The following OR9Q1 variants were observed in gnomAD, a reference collection of about 807,000 sequenced individuals.
OR9Q1 encodes olfactory receptor family 9 subfamily Q member 1.
For synonymous variants in OR9Q1, 153 were observed against 148.6 expected, an observed-to-expected ratio of 1.03 and a Z score of -0.22; for missense variants, 374 against 378.8, an observed-to-expected ratio of 0.99 and a Z score of 0.11.
chr11:58,163,179 T>G (rs1340934542), intron 2 of OR9Q1, among the ~76,000 whole-genome samples: 1 of 152,204 alleles, frequency 6.6e-6, no homozygotes, highest in Non-Finnish European at 1.5e-5. Flanking sequence ...CAAATGCCAC[T>G]TCCTTGGAAA....
At chr11:58,072,292 C>A (rs1484890366) in intron 2 of OR9Q1, 3 of 152,170 alleles carry the variant, frequency 2.0e-5, no homozygotes, top group African/African-American at 7.2e-5. Flanking sequence ...GTATTTGTAT[C>A]CATGTATTTT....
chr11:58,130,064 C>A (rs961860413), intron 2 of OR9Q1, among the ~76,000 whole-genome samples: 9 of 152,234 alleles, frequency 5.9e-5, no homozygotes, highest in Admixed American at 1.3e-4. Context: ...AGGTATTTGT[C>A]CTAATGCTCT....
intron 2 of OR9Q1, among the ~76,000 whole-genome samples, chr11:58,087,445 T>C (rs948724455): frequency 2.0e-5 from 3 of 152,092 alleles, no homozygotes; most frequent in Admixed American, 1.3e-4. Context: ...CAGATGATTG[T>C]AGTAAACTAT....
At chr11:58,159,295 T>C (rs1305901832) in intron 2 of OR9Q1, among the ~76,000 whole-genome samples, 2 of 152,156 alleles carry the variant, frequency 1.3e-5, no homozygotes, top group Non-Finnish European at 2.9e-5. Context: ...GAAATGGAGA[T>C]GTTAGGGGTC....
intron 2 of OR9Q1, among the ~76,000 whole-genome samples, chr11:58,120,739 A>C (rs1854021448): frequency 6.7e-6 from 1 of 149,200 alleles, no homozygotes; most frequent in African/African-American, 2.5e-5. Context: ...AATCCATTTA[A>C]CCCGCATGAA....
intron 2 of OR9Q1, among the ~76,000 whole-genome samples, chr11:58,161,646 C>A (rs1078298): frequency 0.41 from 62,572 of 151,510 alleles, 13,129 homozygotes; most frequent in Admixed American, 0.46. Flanking sequence ...TGGGCTTAAG[C>A]GATTCTCCTG....
chr11:58,179,342 C>T, intron 2 of OR9Q1, 89 bp from the exon 3 acceptor site: 1 of 834,064 alleles, frequency 1.2e-6, no homozygotes, highest in East Asian at 2.5e-5. Context: ...ATATTTTGTC[C>T]ACAGTACATT....
At chr11:58,071,779 G>T (rs1166909087) in intron 2 of OR9Q1, among the ~76,000 whole-genome samples, 2 of 152,086 alleles carry the variant, frequency 1.3e-5, no homozygotes, top group Admixed American at 6.6e-5. Flanking sequence ...TTCACTAGTG[G>T]CAATGTAAAT....
chr11:58,132,457 C>T (rs542681757), intron 2 of OR9Q1, among the ~76,000 whole-genome samples: 17 of 152,006 alleles, frequency 1.1e-4, no homozygotes, highest in Non-Finnish European at 2.2e-4. Flanking sequence ...TAGTATCTAC[C>T]CTATAGGATT....
intron 2 of OR9Q1, among the ~76,000 whole-genome samples, chr11:58,147,443 C>G (rs1854309422): frequency 6.6e-6 from 1 of 152,148 alleles, no homozygotes; most frequent in African/African-American, 2.4e-5. Context: ...TGCTTCTGTG[C>G]TTAAAGGCAG....
At chr11:58,035,015 A>G (rs1289148724) in intron 1 of OR9Q1, among the ~76,000 whole-genome samples, 1 of 151,650 alleles carries the variant, frequency 6.6e-6, no homozygotes, top group South Asian at 2.1e-4. Context: ...TCTTGTAGAG[A>G]TGGGTTTCGC....
chr11:58,025,260 G>A (rs1852960057), intron 1 of OR9Q1, among the ~76,000 whole-genome samples: 1 of 152,106 alleles, frequency 6.6e-6, no homozygotes, highest in African/African-American at 2.4e-5. Context: ...TGCAACCTCC[G>A]CCTCCCGGGT....
At chr11:58,085,709 G>A (rs1853627778) in intron 2 of OR9Q1, among the ~76,000 whole-genome samples, 1 of 151,708 alleles carries the variant, frequency 6.6e-6, no homozygotes, top group African/African-American at 2.4e-5. Context: ...TGGATTTTAT[G>A]TTTGATAAAT....
At chr11:58,133,916 A>G (rs568336680) in intron 2 of OR9Q1, among the ~76,000 whole-genome samples, 2 of 152,306 alleles carry the variant, frequency 1.3e-5, no homozygotes, top group African/African-American at 4.8e-5. Context: ...AGAAGGGGTC[A>G]CTGCTAGCTC....
At chr11:58,138,987 C>T (rs1309119457) in intron 2 of OR9Q1, among the ~76,000 whole-genome samples, 1 of 151,316 alleles carries the variant, frequency 6.6e-6, no homozygotes, top group East Asian at 1.9e-4. Context: ...ATTGAATTTA[C>T]AATAGAGTAA....
chr11:58,101,994 C>A (rs982298878), intron 2 of OR9Q1, among the ~76,000 whole-genome samples: 5 of 152,170 alleles, frequency 3.3e-5, no homozygotes, highest in African/African-American at 9.7e-5. Context: ...GATCCACCCC[C>A]CTTGGCTTCC....
Position 58,179,431 on chromosome 11 carries a change from G to A in OR9Q1, c.-14G>A, listed in dbSNP as rs1478417844. Reference sequence around the variant, plus strand: ...TTGCTTCCCATTCTACATGTCTCAGGGACCACTGGTGTCATGGCAGAGATG... The same window carrying A: ...TTGCTTCCCATTCTACATGTCTCAGAGACCACTGGTGTCATGGCAGAGATG... On this transcript the variant is annotated splice_region_variant and 5_prime_UTR_variant, in exon 3 of 3. Coordinates refer to ENST00000335397, the MANE Select transcript of OR9Q1 (RefSeq NM_001005212.4). 1 of 1,528,000 alleles carries A rather than the reference G, an allele frequency of 6.5e-7. No homozygotes were observed. Among genetic ancestry groups the A allele is most frequent in the Non-Finnish European group, 8.8e-7 (1 of 1,133,290 alleles). The allele number at this position is 1,528,000 out of a possible 1,614,324, so 94.7% of individuals were successfully genotyped here. A position where few individuals can be genotyped will look rare whatever the true frequency, so the allele number is the denominator to read the frequency against.
At chr11:58,024,131 T>A (rs1399007918) in intron 1 of OR9Q1, 27 bp downstream of exon 1, 1 of 152,248 alleles carries the variant, frequency 6.6e-6, no homozygotes, top group Non-Finnish European at 1.5e-5. Context: ...CTCCACTGAT[T>A]TCAGAGACGG....
intron 2 of OR9Q1, among the ~76,000 whole-genome samples, chr11:58,165,516 G>T (rs1393253402): frequency 1.3e-5 from 2 of 152,110 alleles, no homozygotes; most frequent in East Asian, 3.9e-4. Context: ...GTTTGCTCCT[G>T]CAGTACCCTC....
Sources: gnomAD v4.1 joint callset for allele counts (sites outside exome capture counted in the v4.1 genomes callset) on GRCh38, gnomAD v4.1.1 for gene constraint, MANE v1.5 for transcripts, NCBI Gene and HGNC (gene_info 2026-07-23, HGNC 2026-07-21) for gene names.